LRP1B: variants seen among roughly 807,000 people sequenced by gnomAD.
The protein encoded by LRP1B is low-density lipoprotein receptor-related protein 1B.
LRP1B carries 217 observed loss-of-function variants against 556.6 expected under a neutral mutation model. The observed-to-expected ratio is 0.39, with a 90% CI of 0.35 to 0.44. LRP1B has a LOEUF of 0.44. Among genes scored for constraint, LRP1B ranks in the 20% least tolerant of loss-of-function variants. The pLI, the probability that LRP1B is intolerant of heterozygous loss-of-function variation, is 1.00. For missense variants in LRP1B, 5,053 were observed against 5,620.8 expected (o/e 0.90, Z 3.23); for synonymous variants, 2,047 against 1,865.8 (o/e 1.10, Z -2.50).
intron 2 of LRP1B, among the ~76,000 whole-genome samples, chr2:141,633,510 A>G (rs554939037): frequency 1.3e-5 from 2 of 152,140 alleles, no homozygotes; most frequent in South Asian, 4.1e-4. Context: ...ATTATTTCTT[A>G]TTTCTTTCCC....
chr2:140,640,670 A>G (rs976538842), intron 41 of LRP1B, among the ~76,000 whole-genome samples: 77 of 152,144 alleles, frequency 5.1e-4, no homozygotes, highest in African/African-American at 1.7e-3. Flanking sequence ...GGCGTGAGCC[A>G]CCGCACCTGG....
At chr2:140,601,421 T>A (rs766469849) in intron 42 of LRP1B, 29 bp downstream of exon 42, 1 of 1,497,604 alleles carries the variant, frequency 6.7e-7, no homozygotes, top group South Asian at 1.3e-5. Flanking sequence ...ATAACTATAA[T>A]GAAGAAATAA....
intron 31 of LRP1B, among the ~76,000 whole-genome samples, chr2:140,836,525 C>T (rs943808636): frequency 6.6e-6 from 1 of 152,054 alleles, no homozygotes; most frequent in African/African-American, 2.4e-5. Context: ...CAATTTAATT[C>T]ACTTAATTTG....
At chr2:142,101,105 T>C (rs1706553002) in intron 1 of LRP1B, among the ~76,000 whole-genome samples, 1 of 151,986 alleles carries the variant, frequency 6.6e-6, no homozygotes, top group African/African-American at 2.4e-5. Flanking sequence ...GAAATAAGTG[T>C]GCTAACAGGC....
At chr2:141,157,543 A>G (rs1702097976) in intron 7 of LRP1B, among the ~76,000 whole-genome samples, 1 of 152,098 alleles carries the variant, frequency 6.6e-6, no homozygotes, top group African/African-American at 2.4e-5. Flanking sequence ...ATTGTTTCGT[A>G]CAATATAAAA....
intron 3 of LRP1B, among the ~76,000 whole-genome samples, chr2:141,271,741 T>C (rs956094996): frequency 2.9e-4 from 43 of 150,562 alleles, no homozygotes; most frequent in African/African-American, 8.7e-4. Flanking sequence ...CACAGAACAA[T>C]TGACTGCAGA....
intron 1 of LRP1B, among the ~76,000 whole-genome samples, chr2:142,092,973 G>C (rs1351488267): frequency 6.6e-6 from 1 of 152,040 alleles, no homozygotes; most frequent in African/African-American, 2.4e-5. Flanking sequence ...AAATCACATA[G>C]AAGAGTAAAG....
At chr2:140,620,416 A>C (rs916583023) in intron 41 of LRP1B, among the ~76,000 whole-genome samples, 4 of 152,212 alleles carry the variant, frequency 2.6e-5, no homozygotes, top group African/African-American at 9.6e-5. Context: ...GAAAACTCCC[A>C]GAAGGTCTGT....
intron 83 of LRP1B, among the ~76,000 whole-genome samples, chr2:140,309,042 C>A (rs1317198443): frequency 1.3e-5 from 2 of 151,708 alleles, no homozygotes; most frequent in African/African-American, 4.8e-5. Flanking sequence ...AATAAAAGTT[C>A]TGAATGCTTT....
intron 69 of LRP1B, among the ~76,000 whole-genome samples, chr2:140,372,040 G>A (rs1683022482): frequency 6.6e-6 from 1 of 151,988 alleles, no homozygotes; most frequent in African/African-American, 2.4e-5. Context: ...AATTATGATA[G>A]CTGCCTTTTT....
In LRP1B at chr2:141,779,331, T is replaced by G. The variant is rs528162060; in HGVS notation, c.205+30948A>C. Among the ~76,000 whole-genome samples, 18 of 152,174 alleles carry G rather than the reference T, an allele frequency of 1.2e-4. 1 individual carries two copies. The highest frequency in any genetic ancestry group is 4.3e-4 in the African/African-American group (18 of 41,522). On this transcript the variant is annotated intron_variant, in intron 2 of 90. Transcript: ENST00000389484. ...TTGCTTCAGATTAACTACCTTCAAA[T>G]GATTTCCCTCTAGAAAGACTTTTAA...
chr2:140,270,122 C>T (rs1682390434), intron 86 of LRP1B, 120 bp downstream of exon 86: 2 of 679,676 alleles, frequency 2.9e-6, no homozygotes, highest in African/African-American at 1.8e-5. Context: ...AATACTTGAT[C>T]AGAGATGTCC....
chr2:141,065,991 T>C (rs1699471764), intron 7 of LRP1B, among the ~76,000 whole-genome samples: 1 of 151,912 alleles, frequency 6.6e-6, no homozygotes. Flanking sequence ...TCACCTGTGT[T>C]ATCAACTATT....
At position 140,908,276 on chromosome 2, in the gene LRP1B, T is replaced by A. The variant is rs1413533631; in HGVS notation, c.3320-199A>T. Among the ~76,000 whole-genome samples, 6 of 150,750 alleles carry A rather than the reference T, an allele frequency of 4.0e-5. No individual in the cohort carries two copies. The East Asian group carries it at 9.7e-4, about 24-fold the overall frequency. ...TTGCCCTGGTCTTAAAGTGCTCTTA[T>A]TGTTTGAGCTTTGATATTTTCTTTA... On this transcript the variant is annotated intron_variant, in intron 21 of 90. Transcript: ENST00000389484.
intron 1 of LRP1B, among the ~76,000 whole-genome samples, chr2:142,023,949 TTATG>T (rs1318425596): frequency 6.6e-6 from 1 of 152,238 alleles, no homozygotes; most frequent in African/African-American, 2.4e-5. Flanking sequence ...CTCATGACTT[TTATG>T]TATGTATTTT....
intron 3 of LRP1B, among the ~76,000 whole-genome samples, chr2:141,428,946 T>C (rs562050928): frequency 6.6e-6 from 1 of 152,312 alleles, no homozygotes; most frequent in East Asian, 1.9e-4. Flanking sequence ...GGTATTTATA[T>C]TACTGATTCA....
chr2:140,810,089 T>C (rs1043163123), intron 32 of LRP1B, among the ~76,000 whole-genome samples: 2 of 152,230 alleles, frequency 1.3e-5, no homozygotes, highest in Non-Finnish European at 2.9e-5. Flanking sequence ...GACTGAGTCA[T>C]CAAATAATTG....
chr2:140,341,284 T>C (rs908604113), intron 77 of LRP1B, among the ~76,000 whole-genome samples: 1 of 151,608 alleles, frequency 6.6e-6, no homozygotes, highest in Non-Finnish European at 1.5e-5. Flanking sequence ...TATAATTTTC[T>C]AGCATTTTAT....
chr2:141,053,529 C>T (rs1699096111), intron 10 of LRP1B, among the ~76,000 whole-genome samples: 1 of 151,986 alleles, frequency 6.6e-6, no homozygotes, highest in Non-Finnish European at 1.5e-5. Flanking sequence ...CTCCCTGATG[C>T]TCTAGCTTCT....
Sources: gnomAD v4.1 joint callset for allele counts (sites outside exome capture counted in the v4.1 genomes callset) on GRCh38, gnomAD v4.1.1 for gene constraint, MANE v1.5 for transcripts, NCBI Gene and HGNC (gene_info 2026-07-23, HGNC 2026-07-21) for gene names.